RASA2: variants seen among roughly 807,000 people sequenced by gnomAD.
RASA2 encodes ras GTPase-activating protein 2.
RASA2 carries 155 observed loss-of-function variants against 118.2 expected under a neutral mutation model. The ratio of observed to expected loss-of-function variants is 1.31; its 90% confidence interval spans 1.15 to 1.50. The LOEUF is 1.50. RASA2 is among the 40% of genes most tolerant of loss of function. The pLI, the probability that RASA2 is intolerant of heterozygous loss-of-function variation, is 0.00. For missense variants in RASA2, 1,016 were observed against 1,009.6 expected, an observed-to-expected ratio of 1.01 and a Z score of -0.09; for synonymous variants, 353 against 349.1, an observed-to-expected ratio of 1.01 and a Z score of -0.12.
At chr3:141,570,311 C>T (rs939990973) in intron 9 of RASA2, among the ~76,000 whole-genome samples, 1 of 152,046 alleles carries the variant, frequency 6.6e-6, no homozygotes, top group Non-Finnish European at 1.5e-5. Context: ...AACTCCGCCT[C>T]CTGAGTTCAA....
intron 9 of RASA2, among the ~76,000 whole-genome samples, chr3:141,569,898 T>G (rs766692633): frequency 6.6e-6 from 1 of 152,140 alleles, no homozygotes; most frequent in Non-Finnish European, 1.5e-5. Context: ...GGTTTTCTGT[T>G]TCTGCATTAA....
intron 9 of RASA2, among the ~76,000 whole-genome samples, chr3:141,569,472 A>G (rs887891379): frequency 6.6e-6 from 1 of 152,170 alleles, no homozygotes; most frequent in Non-Finnish European, 1.5e-5. Context: ...CCTTTCTCTA[A>G]TCCTGATATA....
At chr3:141,586,437 G>A (rs1353392321) in intron 18 of RASA2, among the ~76,000 whole-genome samples, 1 of 152,026 alleles carries the variant, frequency 6.6e-6, no homozygotes, top group African/African-American at 2.4e-5. Context: ...GTTCTGTATA[G>A]TACAATTAAA....
At chr3:141,495,693 G>A (rs978163521) in intron 1 of RASA2, among the ~76,000 whole-genome samples, 4 of 152,192 alleles carry the variant, frequency 2.6e-5, no homozygotes, top group African/African-American at 9.6e-5. Flanking sequence ...TATACACCAT[G>A]CATTTTTACT....
In RASA2 at chr3:141,572,029, CATATATAT is replaced by C. The variant is rs10568210; in HGVS notation, c.1169+501_1169+508del. ...AACATGATTTGCCTTTTTAAAAAAA[CATATATAT>C]ATATATATATATATATATATATATA... On this transcript the variant is annotated intron_variant, in intron 11 of 23. Transcript: ENST00000286364. Among the ~76,000 whole-genome samples the C allele has an allele frequency of 4.3e-3, 524 of 121,444 alleles. 4 individuals are homozygous for C. The highest frequency in any genetic ancestry group is 9.8e-3 in the East Asian group (42 of 4,284). The allele number at this position is 121,444 out of a possible 152,430, so 79.7% of individuals were successfully genotyped here. A position where few individuals can be genotyped will look rare whatever the true frequency, so the allele number is the denominator to read the frequency against.
intron 19 of RASA2, among the ~76,000 whole-genome samples, chr3:141,607,450 G>A (rs1577832313): frequency 6.6e-6 from 1 of 152,052 alleles, no homozygotes; most frequent in Non-Finnish European, 1.5e-5. Flanking sequence ...CCTTGAAAAT[G>A]TTTTAATATT....
intron 1 of RASA2, among the ~76,000 whole-genome samples, chr3:141,507,464 T>C (rs2081886449): frequency 6.6e-6 from 1 of 152,176 alleles, no homozygotes; most frequent in Non-Finnish European, 1.5e-5. Context: ...ATTGCCTCTT[T>C]TAGGATCAGA....
At chr3:141,516,271 A>G (rs1276095304) in intron 2 of RASA2, 57 bp from the exon 3 acceptor site, 3 of 1,114,724 alleles carry the variant, frequency 2.7e-6, no homozygotes, top group Non-Finnish European at 3.5e-6. Flanking sequence ...TGAAAGTGAT[A>G]TTAATTATTA....
chr3:141,569,477 GA>G (rs1014974389), intron 9 of RASA2, among the ~76,000 whole-genome samples: 35 of 152,096 alleles, frequency 2.3e-4, no homozygotes, highest in African/African-American at 8.0e-4. Flanking sequence ...CTCTAATCCT[GA>G]TATAGTCTAG....
intron 7 of RASA2, among the ~76,000 whole-genome samples, chr3:141,556,610 T>C (rs2151116315): frequency 6.6e-6 from 1 of 152,164 alleles, no homozygotes; most frequent in Non-Finnish European, 1.5e-5. Context: ...GTTAAAGAAA[T>C]CCTTTTTCAT....
rs1334304359 is a variant in RASA2 at position 141,602,960 on chromosome 3, C to T, written c.1934-4718C>T. The stretch of plus-strand genomic sequence containing the variant: ...TAGCCCTCTTGCTTCCAGATTTCAT[C>T]CTTAAATGGAATCTGTAACCTCCAG... On this transcript the variant is annotated intron_variant, in intron 19 of 23. Coordinates refer to ENST00000286364, the MANE Select transcript of RASA2 (RefSeq NM_006506.5). Among the ~76,000 whole-genome samples the T allele has an allele frequency of 4.6e-5, 7 of 151,916 alleles. 1 individual carries two copies. In the South Asian group the frequency reaches 8.3e-4, roughly 18 times the overall value.
intron 6 of RASA2, among the ~76,000 whole-genome samples, chr3:141,555,446 A>G (rs558486576): frequency 1.3e-5 from 2 of 152,276 alleles, no homozygotes; most frequent in East Asian, 1.9e-4. Context: ...CCTGAAGCCC[A>G]AGAAGTAAGC....
At chr3:141,554,154 G>T (rs925901923) in intron 6 of RASA2, among the ~76,000 whole-genome samples, 2 of 152,102 alleles carry the variant, frequency 1.3e-5, no homozygotes, top group Non-Finnish European at 2.9e-5. Context: ...TTTTAAATCT[G>T]CCATGCTCTT....
In RASA2 at chr3:141,613,809, A is replaced by G. The variant is rs563369461; in HGVS notation, c.*1496A>G. The G allele has an allele frequency of 6.6e-6, 1 of 152,336 alleles. No homozygotes were observed. Among genetic ancestry groups the G allele is most frequent in the South Asian group, 2.1e-4 (1 of 4,834 alleles). The allele number at this position is 152,336 out of a possible 1,614,324, so 9.4% of individuals were successfully genotyped here. ...TACAATCAAAGTTGTTCCATAAAAGAATATAACTGAGCAATGTATTTCTCT... is the reference window on the plus strand; with the variant it reads ...TACAATCAAAGTTGTTCCATAAAAGGATATAACTGAGCAATGTATTTCTCT... On this transcript the variant is annotated 3_prime_UTR_variant, in exon 24 of 24. Coordinates refer to ENST00000286364, the MANE Select transcript of RASA2 (RefSeq NM_006506.5).
chr3:141,610,370 T>TTATATTTATATATTA (rs2083622229), intron 23 of RASA2, among the ~76,000 whole-genome samples: 1 of 118,854 alleles, frequency 8.4e-6, no homozygotes, highest in Admixed American at 1.1e-4. Context: ...TATTATATAT[T>TTATATTTATATATTA]TATATTTATA....
At chr3:141,600,933 G>A (rs968893760) in intron 19 of RASA2, among the ~76,000 whole-genome samples, 8 of 152,212 alleles carry the variant, frequency 5.3e-5, no homozygotes, top group Admixed American at 3.9e-4. Context: ...AAGATTGTAG[G>A]TTTAGGATAA....
chr3:141,572,377 C>T (rs577392479), intron 11 of RASA2, among the ~76,000 whole-genome samples: 32 of 152,218 alleles, frequency 2.1e-4, no homozygotes, highest in South Asian at 1.2e-3. Flanking sequence ...CAGGCATGAG[C>T]CATCACACCT....
At chr3:141,572,273 G>A (rs1445439755) in intron 11 of RASA2, among the ~76,000 whole-genome samples, 3 of 151,792 alleles carry the variant, frequency 2.0e-5, no homozygotes, top group African/African-American at 7.3e-5. Flanking sequence ...TGTATTTTTG[G>A]TAGAGATGGG....
intron 19 of RASA2, among the ~76,000 whole-genome samples, chr3:141,601,208 C>A (rs969218954): frequency 7.2e-5 from 11 of 152,136 alleles, no homozygotes; most frequent in African/African-American, 2.7e-4. Context: ...AGACAGATTG[C>A]CTGATCTCAA....
Sources: allele counts gnomAD v4.1 joint callset (sites outside exome capture counted in the v4.1 genomes callset), GRCh38; gene constraint gnomAD v4.1.1; transcripts MANE v1.5; gene names NCBI Gene and HGNC (gene_info 2026-07-23, HGNC 2026-07-21).